Variants in NAV3 observed in about 807,000 individuals in gnomAD.
NAV3 encodes neuron navigator 3.
In NAV3, 87 loss-of-function variants were observed where a neutral mutation model predicts 244.7. The observed-to-expected ratio is 0.36, with a 90% CI of 0.30 to 0.42. The LOEUF (loss-of-function observed/expected upper bound fraction) is 0.42. Among genes scored for constraint, NAV3 ranks in the 20% least tolerant of loss-of-function variants. The pLI is 1.00. For missense variants in NAV3, 2,663 were observed against 2,893.3 expected, an observed-to-expected ratio of 0.92 and a Z score of 1.83; for synonymous variants, 1,126 against 1,042.2, an observed-to-expected ratio of 1.08 and a Z score of -1.55.
intron 1 of NAV3, among the ~76,000 whole-genome samples, chr12:77,833,643 A>T (rs1033424270): frequency 6.6e-6 from 1 of 152,206 alleles, no homozygotes; most frequent in Admixed American, 6.5e-5. Context: ...TAATCAGCTC[A>T]GTTAGACCCT....
At position 78,007,117 on chromosome 12, in the gene NAV3, A is replaced by G; in HGVS notation, c.1579A>G (p.Ile527Val). The change falls in exon 8 of 40, where the codon ATT (isoleucine) becomes GTT (valine). Residue 527 changes from isoleucine (I) to valine (V), a missense_variant. Ile to Val is a conservative substitution (Grantham distance 29). This residue lies in a region of NAV3 where 1,521 missense variants were observed against 1,497.0 expected (regional missense o/e 1.02). Transcript: ENST00000397909. ...KESLIPSSSG[I>V]PKPGSKVPTV... is the part of the protein sequence containing the mutation. ...AAGCTTAATTCCGTCTTCCAGTGGT[A>G]TTCCAAAACCAGGCTCTAAAGTTCC... The G allele has an allele frequency of 1.2e-6, 2 of 1,614,154 alleles. No individual in the cohort carries two copies. Among genetic ancestry groups the G allele is most frequent in the Non-Finnish European group, 1.7e-6 (2 of 1,180,026 alleles).
chr12:77,790,681 C>T (rs968418816), intron 2 of NAV3, among the ~76,000 whole-genome samples: 2 of 152,166 alleles, frequency 1.3e-5, no homozygotes, highest in Non-Finnish European at 2.9e-5. Context: ...TCAGACTCTG[C>T]AACATCTGTC....
chr12:77,989,458 C>T (rs759579570), intron 5 of NAV3, among the ~76,000 whole-genome samples: 15 of 152,088 alleles, frequency 9.9e-5, no homozygotes, highest in Non-Finnish European at 2.1e-4. Context: ...TAAAACCAAC[C>T]AACCAACCAA....
chr12:77,741,718 A>G (rs552270469), intron 2 of NAV3, among the ~76,000 whole-genome samples: 1 of 152,174 alleles, frequency 6.6e-6, no homozygotes, highest in African/African-American at 2.4e-5. Flanking sequence ...TTGTCCAGTT[A>G]TTTTCCCCTT....
At position 78,007,365 on chromosome 12, in the gene NAV3, A is replaced by G. The variant is rs1226858315; in HGVS notation, c.1827A>G (p.Thr609=). The part of the protein sequence containing the change: ...MTVAQSSGQS[T]GNGAVQLPQQ... Reference sequence around the variant, plus strand: ...TGGCACAAAGCAGTGGGCAGAGCACAGGAAATGGTGCTGTCCAACTCCCTC... The same window carrying G: ...TGGCACAAAGCAGTGGGCAGAGCACGGGAAATGGTGCTGTCCAACTCCCTC... Residue 609 remains threonine (T), a synonymous_variant, in exon 8 of 40, where the codon ACA becomes ACG. Transcript: ENST00000397909. 4.3e-6 allele frequency: 7 copies of G among 1,614,170 alleles called. 1 individual carries two copies. The South Asian group carries it at 4.4e-5, about 10-fold the overall frequency.
intron 2 of NAV3, among the ~76,000 whole-genome samples, chr12:77,764,809 G>A (rs369865262): frequency 6.6e-6 from 1 of 152,196 alleles, no homozygotes; most frequent in South Asian, 2.1e-4. Flanking sequence ...ATTCATGTCA[G>A]TGTATAGGTG....
chr12:77,800,513 T>C (rs569622405), intron 2 of NAV3, among the ~76,000 whole-genome samples: 1 of 152,308 alleles, frequency 6.6e-6, no homozygotes, highest in South Asian at 2.1e-4. Context: ...GTAACTTCAT[T>C]AGAGTCTTAG....
At chr12:77,875,793 G>C (rs1394161086) in intron 1 of NAV3, among the ~76,000 whole-genome samples, 1 of 151,904 alleles carries the variant, frequency 6.6e-6, no homozygotes, top group Non-Finnish European at 1.5e-5. Flanking sequence ...CTCCACTCGT[G>C]TTCTTGTTTA....
intron 2 of NAV3, among the ~76,000 whole-genome samples, chr12:77,695,704 T>C (rs1301880619): frequency 6.6e-6 from 1 of 152,148 alleles, no homozygotes; most frequent in African/African-American, 2.4e-5. Context: ...CCCCATCCCA[T>C]ATATATTGCA....
chr12:77,930,040 G>A (rs935049650), intron 1 of NAV3, among the ~76,000 whole-genome samples: 4 of 151,964 alleles, frequency 2.6e-5, no homozygotes, highest in African/African-American at 9.7e-5. Context: ...ACAAACAAGA[G>A]CAGTCCTATC....
intron 1 of NAV3, among the ~76,000 whole-genome samples, chr12:77,929,454 A>G (rs1888556238): frequency 6.6e-6 from 1 of 152,120 alleles, no homozygotes; most frequent in Admixed American, 6.5e-5. Flanking sequence ...ACCAGTATCT[A>G]GCTAATCCAA....
At chr12:77,821,583 C>T (rs1181670991) in intron 2 of NAV3, among the ~76,000 whole-genome samples, 2 of 152,116 alleles carry the variant, frequency 1.3e-5, no homozygotes, top group Non-Finnish European at 2.9e-5. Context: ...TTGCAAATGA[C>T]ATTTTTATGA....
At chr12:78,158,759 C>T (rs993391645) in intron 22 of NAV3, among the ~76,000 whole-genome samples, 9 of 152,150 alleles carry the variant, frequency 5.9e-5, no homozygotes, top group Non-Finnish European at 1.2e-4. Context: ...TACAATAGAG[C>T]AGCTAACAAT....
At chr12:77,680,672 G>A (rs1874409616) in intron 2 of NAV3, among the ~76,000 whole-genome samples, 1 of 152,238 alleles carries the variant, frequency 6.6e-6, no homozygotes, top group Admixed American at 6.5e-5. Context: ...TGTCTTCTTT[G>A]TGCCCTTTAT....
rs752875925 is a variant in NAV3, at chr12:78,127,176, T to G, written c.4248T>G (p.Leu1416=). The G allele has an allele frequency of 6.2e-7, 1 of 1,613,692 alleles. No homozygotes were observed. The highest frequency in any genetic ancestry group is 1.3e-5 in the African/African-American group (1 of 74,912). ...TTCTTTGTTTTAACAGCATGCAGCTTGACAGAAATACACTACCCAAAAAGG... is the reference window on the plus strand; with the variant it reads ...TTCTTTGTTTTAACAGCATGCAGCTGGACAGAAATACACTACCCAAAAAGG... ...VRSTLSESMQ[L]DRNTLPKKGL... The change falls in exon 17 of 40, where the codon CTT becomes CTG. Residue 1416 remains leucine, a synonymous_variant. Transcript: ENST00000397909.
At chr12:77,893,662 C>G (rs1218037848) in intron 1 of NAV3, among the ~76,000 whole-genome samples, 1 of 151,416 alleles carries the variant, frequency 6.6e-6, no homozygotes, top group Non-Finnish European at 1.5e-5. Flanking sequence ...ATGAGTTTTA[C>G]TCAAAGACAA....
At chr12:77,575,421 T>C (rs1339579869) in intron 2 of NAV3, among the ~76,000 whole-genome samples, 1 of 152,104 alleles carries the variant, frequency 6.6e-6, no homozygotes, top group African/African-American at 2.4e-5. Flanking sequence ...CAGCTGGTAT[T>C]GGGCCATAAC....
intron 5 of NAV3, among the ~76,000 whole-genome samples, chr12:77,976,666 C>CTTTCTTTTTTTTTTTTT (rs1446044531): frequency 4.1e-4 from 24 of 58,066 alleles, no homozygotes; most frequent in African/African-American, 5.9e-4. Context: ...TTCTTTCTTT[C>CTTTCTTTTTTTTTTTTT]TTTTTTTCTT....
chr12:77,773,083 C>T (rs1870175713), intron 2 of NAV3, among the ~76,000 whole-genome samples: 1 of 152,162 alleles, frequency 6.6e-6, no homozygotes, highest in Non-Finnish European at 1.5e-5. Flanking sequence ...ACTACAAGAA[C>T]ATCCAGTAAC....
Sources: gnomAD v4.1 joint callset for allele counts (sites outside exome capture counted in the v4.1 genomes callset) on GRCh38, gnomAD v4.1.1 for gene constraint, gnomAD v4.1.1 regional missense constraint, MANE v1.5 for transcripts, NCBI Gene and HGNC (gene_info 2026-07-23, HGNC 2026-07-21) for gene names.